WDR20: variants seen among roughly 807,000 people sequenced by gnomAD.
WDR20 encodes the protein WD repeat-containing protein 20.
Under a neutral mutation model 38.7 loss-of-function variants are expected in WDR20, and 3 were observed. That is an observed-to-expected ratio of 0.08 (90% CI 0.04 to 0.20). The LOEUF (loss-of-function observed/expected upper bound fraction) is 0.20. Ranked by LOEUF, WDR20 falls within the 10% of genes least tolerant of loss-of-function variation. The probability of loss-of-function intolerance (pLI) is 1.00; values close to 1 mark genes in which losing one functional copy is unlikely to be tolerated. For synonymous variants in WDR20, 298 were observed against 285.6 expected, an observed-to-expected ratio of 1.04 and a Z score of -0.44; for missense variants, 559 against 727.7, an observed-to-expected ratio of 0.77 and a Z score of 2.67.
At chr14:102,189,778 G>T (rs939030765) in intron 1 of WDR20, among the ~76,000 whole-genome samples, 1 of 152,132 alleles carries the variant, frequency 6.6e-6, no homozygotes, top group African/African-American at 2.4e-5. Context: ...GTTTAATAAA[G>T]TTCTCCTTAA....
At chr14:102,142,251 C>T (rs1318065139) in intron 1 of WDR20, among the ~76,000 whole-genome samples, 3 of 152,078 alleles carry the variant, frequency 2.0e-5, no homozygotes, top group Non-Finnish European at 2.9e-5. Flanking sequence ...GATGTTTCTA[C>T]TCTCTTTTAA....
intron 1 of WDR20, among the ~76,000 whole-genome samples, chr14:102,162,072 T>C (rs150373714): frequency 2.6e-5 from 4 of 152,294 alleles, no homozygotes; most frequent in Non-Finnish European, 4.4e-5. Flanking sequence ...GGGTATGAGA[T>C]AGTAGATAGG....
chr14:102,198,876 A>C (rs1009347822), intron 2 of WDR20, among the ~76,000 whole-genome samples: 33 of 152,274 alleles, frequency 2.2e-4, no homozygotes, highest in African/African-American at 7.5e-4. Context: ...GGAAGATCAG[A>C]GGTTCTGGTC....
At chr14:102,157,480 A>G (rs529688159) in intron 1 of WDR20, among the ~76,000 whole-genome samples, 2 of 152,238 alleles carry the variant, frequency 1.3e-5, no homozygotes, top group South Asian at 2.1e-4. Context: ...TAAGCTGGCC[A>G]TGCTTTTTGC....
intron 2 of WDR20, among the ~76,000 whole-genome samples, chr14:102,200,460 TTTTTTTTTGTGTGTGTG>T (rs2060122048): frequency 9.2e-6 from 1 of 109,226 alleles, no homozygotes; most frequent in Non-Finnish European, 2.0e-5. Flanking sequence ...TTTTTAAATT[TTTTTTTTTGTGTGTGTG>T]TGTGTGTGTG....
intron 1 of WDR20, among the ~76,000 whole-genome samples, chr14:102,159,438 T>C (rs535736182): frequency 4.8e-4 from 73 of 152,198 alleles, no homozygotes; most frequent in Non-Finnish European, 1.0e-3. Context: ...TTTACTGAAT[T>C]AAATCTGCAT....
At chr14:102,216,003 C>T (rs1374389506), downstream of WDR20, among the ~76,000 whole-genome samples, 1 of 152,192 alleles carries the variant, frequency 6.6e-6, no homozygotes, top group African/African-American at 2.4e-5. Context: ...TTAATTGTCA[C>T]TTCCCTGCTG....
chr14:102,156,093 T>A (rs140564127), intron 1 of WDR20, among the ~76,000 whole-genome samples: 1,561 of 151,056 alleles, frequency 0.01, 37 homozygotes, highest in African/African-American at 0.036. Context: ...CCACAGATGT[T>A]TTCATATCAC....
chr14:102,152,008 G>C (rs945754279), intron 1 of WDR20, among the ~76,000 whole-genome samples: 5 of 151,970 alleles, frequency 3.3e-5, no homozygotes, highest in Admixed American at 6.6e-5. Flanking sequence ...TGCAACCTCC[G>C]CTTCCTGGGA....
chr14:102,220,209 C>T lies in WDR20; in HGVS notation c.1693-2621C>T, dbSNP rs2063730799. 6.6e-6 allele frequency among the ~76,000 whole-genome samples: 1 copy of T among 152,142 alleles called. No homozygotes were observed. Among genetic ancestry groups the T allele is most frequent in the South Asian group, 2.1e-4 (1 of 4,828 alleles). ...GGGAGTGATGGAAAGCAGCCGAGTCCTCTGGGGCCTCACACTCAGTGAGAG... is the reference window on the plus strand; with the variant it reads ...GGGAGTGATGGAAAGCAGCCGAGTCTTCTGGGGCCTCACACTCAGTGAGAG... On this transcript the variant is annotated intron_variant, in intron 3 of 3. Coordinates refer to the WDR20 transcript ENST00000335263. This position sits in a 1 kb window ranked among gnomAD's most constrained non-coding sequence, Gnocchi z 4.2.
intron 1 of WDR20, among the ~76,000 whole-genome samples, chr14:102,169,341 C>T (rs1692345566): frequency 6.6e-6 from 1 of 152,210 alleles, no homozygotes; most frequent in Non-Finnish European, 1.5e-5. Context: ...TTCCACTCCC[C>T]TTTCCTGACT....
At chr14:102,205,396 G>C (rs1002938467) in intron 2 of WDR20, among the ~76,000 whole-genome samples, 1 of 152,208 alleles carries the variant, frequency 6.6e-6, no homozygotes, top group Non-Finnish European at 1.5e-5. Flanking sequence ...ACTCTGGAGA[G>C]AGAAATGAGA....
intron 2 of WDR20, among the ~76,000 whole-genome samples, chr14:102,204,555 C>G (rs909553561): frequency 3.3e-5 from 5 of 152,128 alleles, no homozygotes; most frequent in Admixed American, 3.3e-4. Context: ...GCATATGGTA[C>G]GCACTCAATA....
At chr14:102,139,839 TG>T, upstream of WDR20, 1 of 1,521,058 alleles carries the variant, frequency 6.6e-7, no homozygotes, top group Admixed American at 1.8e-5. Context: ...AGGCAGGGGG[TG>T]GGGGAAGAGG....
intron 1 of WDR20, among the ~76,000 whole-genome samples, chr14:102,144,374 C>T (rs1328647613): frequency 2.6e-5 from 4 of 151,094 alleles, no homozygotes; most frequent in Non-Finnish European, 4.4e-5. Context: ...CCCAGCTACT[C>T]GGGAGGCCGA....
chr14:102,224,740 G>A (rs541010892), downstream of WDR20: 2 of 456,046 alleles, frequency 4.4e-6, no homozygotes, highest in Middle Eastern at 3.3e-4. Flanking sequence ...TGCCCCACTC[G>A]AAGGCGCCAG....
downstream of WDR20, chr14:102,214,390 G>C (rs1309201338): frequency 1.0e-6 from 1 of 985,314 alleles, no homozygotes; most frequent in African/African-American, 1.7e-5. Flanking sequence ...GAAGTCTGTG[G>C]CTTTATATGT....
chr14:102,173,135 G>A (rs2061317870), intron 1 of WDR20, among the ~76,000 whole-genome samples: 1 of 150,972 alleles, frequency 6.6e-6, no homozygotes, highest in South Asian at 2.1e-4. Flanking sequence ...TTTTTTTGGA[G>A]GCAGCCTTAT....
intron 1 of WDR20, among the ~76,000 whole-genome samples, chr14:102,166,061 G>A (rs931702431): frequency 4.0e-5 from 6 of 151,874 alleles, no homozygotes; most frequent in Non-Finnish European, 7.4e-5. Context: ...ACATCATCAC[G>A]GCTCACTGCA....
Sources: allele counts gnomAD v4.1 joint callset (sites outside exome capture counted in the v4.1 genomes callset), GRCh38; gene constraint gnomAD v4.1.1; non-coding constraint Gnocchi (gnomAD v3.1); transcripts MANE v1.5; gene names NCBI Gene and HGNC (gene_info 2026-07-23, HGNC 2026-07-21).